Variants in SSBP2 observed in about 807,000 individuals in gnomAD.
SSBP2 encodes the protein single-stranded DNA-binding protein 2.
Under a neutral mutation model 61.8 loss-of-function variants are expected in SSBP2, and 17 were observed. The observed-to-expected ratio is 0.28, with a 90% CI of 0.19 to 0.41. The LOEUF (loss-of-function observed/expected upper bound fraction) is 0.41, where lower values mean the gene tolerates loss of function less well. Among genes scored for constraint, SSBP2 ranks in the 10% least tolerant of loss-of-function variants. The probability of loss-of-function intolerance (pLI) is 1.00; values close to 1 mark genes in which losing one functional copy is unlikely to be tolerated. For synonymous variants in SSBP2, 139 were observed against 141.3 expected, an observed-to-expected ratio of 0.98 and a Z score of 0.12; for missense variants, 310 against 458.7, an observed-to-expected ratio of 0.68 and a Z score of 2.96.
intron 4 of SSBP2, among the ~76,000 whole-genome samples, chr5:81,593,776 C>T (rs1209313493): frequency 6.6e-6 from 1 of 152,140 alleles, no homozygotes; most frequent in Admixed American, 6.6e-5. Flanking sequence ...AAATCCTTTA[C>T]AGACAAGCAA....
intron 4 of SSBP2, among the ~76,000 whole-genome samples, chr5:81,537,673 C>A (rs186570004): frequency 6.6e-6 from 1 of 152,182 alleles, no homozygotes; most frequent in African/African-American, 2.4e-5. Flanking sequence ...ATATCTGTTA[C>A]GATTATCTGT....
chr5:81,662,632 T>C (rs1173709667), intron 1 of SSBP2, among the ~76,000 whole-genome samples: 1 of 151,760 alleles, frequency 6.6e-6, no homozygotes, highest in East Asian at 1.9e-4. Context: ...TGAAACCCCG[T>C]CTCTACTAAG....
chr5:81,445,461 C>T (rs1763345684), intron 12 of SSBP2, among the ~76,000 whole-genome samples: 1 of 151,684 alleles, frequency 6.6e-6, no homozygotes, highest in South Asian at 2.1e-4. Context: ...TCACATGCTA[C>T]CTTCATAAAT....
At chr5:81,536,710 A>G (rs1770829923) in intron 4 of SSBP2, among the ~76,000 whole-genome samples, 1 of 152,166 alleles carries the variant, frequency 6.6e-6, no homozygotes, top group South Asian at 2.1e-4. Context: ...GACAGGAAAA[A>G]TTACCTTATT....
At chr5:81,506,182 A>C (rs1444640496) in intron 5 of SSBP2, among the ~76,000 whole-genome samples, 1 of 152,092 alleles carries the variant, frequency 6.6e-6, no homozygotes, top group Non-Finnish European at 1.5e-5. Flanking sequence ...ACAGGGAAAG[A>C]TCTGTTCTAT....
intron 1 of SSBP2, among the ~76,000 whole-genome samples, chr5:81,653,698 G>A (rs968430208): frequency 1.3e-5 from 2 of 152,162 alleles, no homozygotes; most frequent in African/African-American, 4.8e-5. Flanking sequence ...CTAATGTCCA[G>A]TGATAATGAG....
At chr5:81,503,821 C>A (rs1767979179) in intron 5 of SSBP2, among the ~76,000 whole-genome samples, 1 of 152,118 alleles carries the variant, frequency 6.6e-6, no homozygotes. Context: ...AGAATGAGAT[C>A]ATGTCTTTTG....
intron 1 of SSBP2, chr5:81,710,803 G>A: frequency 7.6e-6 from 3 of 392,986 alleles, no homozygotes; most frequent in South Asian, 3.9e-5. Context: ...TTTAATATAA[G>A]GAATAGGCAA....
intron 2 of SSBP2, among the ~76,000 whole-genome samples, chr5:81,639,509 A>G (rs1201309371): frequency 1.3e-5 from 2 of 152,152 alleles, no homozygotes; most frequent in African/African-American, 4.8e-5. Flanking sequence ...AATTATGTTT[A>G]TATGAGAAGG....
At chr5:81,749,282 AAAAC>A (rs1421401990) in intron 1 of SSBP2, among the ~76,000 whole-genome samples, 1 of 151,998 alleles carries the variant, frequency 6.6e-6, no homozygotes, top group Non-Finnish European at 1.5e-5. Context: ...CTCTTGCAAA[AAAAC>A]AAAAAAGCCT....
chr5:81,616,035 T>C (rs1745981498), intron 3 of SSBP2: 1 of 152,972 alleles, frequency 6.5e-6, no homozygotes, highest in Non-Finnish European at 1.5e-5. Context: ...TTCTAAATAA[T>C]GGTGTTTTTC....
In SSBP2 at chr5:81,626,651, C is replaced by T. The variant is rs898968103; in HGVS notation, c.197+9906G>A. On this transcript the variant is annotated intron_variant, in intron 3 of 16. Transcript: ENST00000320672. ...TTGTTAGCCTACCTTTGACCCCATG[C>T]ACCAACTCATTTCCTGAATATCCTA... Among the ~76,000 whole-genome samples the T allele has an allele frequency of 2.0e-5, 3 of 152,164 alleles. 1 individual carries two copies. Among genetic ancestry groups the T allele is most frequent in the Non-Finnish European group, 4.4e-5 (3 of 68,018 alleles).
intron 6 of SSBP2, among the ~76,000 whole-genome samples, chr5:81,482,811 T>C (rs1394262964): frequency 6.6e-6 from 1 of 152,230 alleles, no homozygotes; most frequent in Non-Finnish European, 1.5e-5. Flanking sequence ...TTCCTTTGCA[T>C]TCCTAACATT....
rs1459177504 is a variant in SSBP2, at chr5:81,420,031, T to C, written c.*473A>G. 1 of 152,986 alleles carries C rather than the reference T, an allele frequency of 6.5e-6. No individual in the cohort carries two copies. Among genetic ancestry groups the C allele is most frequent in the Non-Finnish European group, 1.5e-5 (1 of 68,416 alleles). The allele number at this position is 152,986 out of a possible 1,614,324, so 9.5% of individuals were successfully genotyped here. ...AGTTCACCTTAAAAAATAACTTATA[T>C]AAAGCAGTGATATACACAGCACAAA... On this transcript the variant is annotated 3_prime_UTR_variant, in exon 17 of 17. Coordinates refer to ENST00000320672, the MANE Select transcript of SSBP2 (RefSeq NM_012446.5).
At chr5:81,746,543 T>G (rs946591372) in intron 1 of SSBP2, among the ~76,000 whole-genome samples, 6 of 152,168 alleles carry the variant, frequency 3.9e-5, no homozygotes, top group African/African-American at 1.2e-4. Context: ...CTTTAATTAC[T>G]TTAATGGTAG....
At chr5:81,670,782 C>T (rs1224448586) in intron 1 of SSBP2, among the ~76,000 whole-genome samples, 2 of 152,172 alleles carry the variant, frequency 1.3e-5, no homozygotes, top group African/African-American at 2.4e-5. Context: ...GCTTTCCTTT[C>T]CCATCCACTT....
chr5:81,725,199 G>A (rs1484262126), intron 1 of SSBP2, among the ~76,000 whole-genome samples: 2 of 152,096 alleles, frequency 1.3e-5, no homozygotes, highest in Non-Finnish European at 2.9e-5. Context: ...AGGGGAAAGA[G>A]TTTTTTAGGC....
chr5:81,488,049 A>ATATATTATATATATACAT (rs1766550761), intron 6 of SSBP2, among the ~76,000 whole-genome samples: 4 of 50,530 alleles, frequency 7.9e-5, no homozygotes, highest in African/African-American at 1.3e-4. Flanking sequence ...ATATATATAT[A>ATATATTATATATATACAT]TATATATATA....
intron 1 of SSBP2, among the ~76,000 whole-genome samples, chr5:81,691,387 T>C (rs1753191000): frequency 6.6e-6 from 1 of 151,888 alleles, no homozygotes; most frequent in Admixed American, 6.6e-5. Flanking sequence ...ATTACAATTG[T>C]TACCACAGAA....
Sources: gnomAD v4.1 joint callset for allele counts (sites outside exome capture counted in the v4.1 genomes callset) on GRCh38, gnomAD v4.1.1 for gene constraint, MANE v1.5 for transcripts, NCBI Gene and HGNC (gene_info 2026-07-23, HGNC 2026-07-21) for gene names.